The following C2CD5 variants were observed in gnomAD, a reference collection of about 807,000 sequenced individuals.
C2CD5 encodes the protein C2 calcium dependent domain containing 5, also known as C2 domain-containing protein 5.
In C2CD5, 109 loss-of-function variants were observed where a neutral mutation model predicts 130.3. The ratio of observed to expected loss-of-function variants is 0.84; its 90% CI spans 0.72 to 0.98. C2CD5 has a LOEUF of 0.98. Ranked by LOEUF, C2CD5 falls within the 50% of genes least tolerant of loss-of-function variation. C2CD5 has a pLI of 0.00. For missense variants in C2CD5, 996 were observed against 1,261.8 expected, an observed-to-expected ratio of 0.79 and a Z score of 3.19; for synonymous variants, 454 against 429.2, an observed-to-expected ratio of 1.06 and a Z score of -0.71.
At chr12:22,542,486 C>T (rs1952491599) in intron 2 of C2CD5, among the ~76,000 whole-genome samples, 1 of 152,268 alleles carries the variant, frequency 6.6e-6, no homozygotes, top group African/African-American at 2.4e-5. Context: ...TTCCTCCAGA[C>T]ACGTACTAAA....
intron 3 of C2CD5, among the ~76,000 whole-genome samples, chr12:22,530,347 G>A (rs1486589855): frequency 1.3e-5 from 2 of 149,120 alleles, no homozygotes; most frequent in Non-Finnish European, 3.0e-5. Context: ...CTGATAAACA[G>A]GGTTAAAAAA....
At chr12:22,461,000 G>A (rs1050010099) in intron 22 of C2CD5, among the ~76,000 whole-genome samples, 1 of 152,192 alleles carries the variant, frequency 6.6e-6, no homozygotes, top group Admixed American at 6.5e-5. Context: ...CTGTGGACAT[G>A]CCCTGACCAT....
In C2CD5 at chr12:22,472,722, C is replaced by G. The variant is rs776844334; in HGVS notation, c.2107+22G>C. The G allele has an allele frequency of 5.0e-5, 68 of 1,362,476 alleles. 1 individual carries two copies. Among genetic ancestry groups the G allele is most frequent in the Non-Finnish European group, 3.4e-5 (32 of 953,018 alleles). The allele number at this position is 1,362,476 out of a possible 1,614,324, so 84.4% of individuals were successfully genotyped here. On this transcript the variant is annotated intron_variant, in intron 17 of 26. Transcript: ENST00000446597. ...TTTATATGTAAAACTAGTTTCATCT[C>G]AAAGATAACTTTTTTGTTCACCTGA...
In C2CD5 at chr12:22,472,312, T is replaced by C. The variant is rs1328816108; in HGVS notation, c.2143A>G (p.Ile715Val). 10 of 1,515,966 alleles carry C rather than the reference T, an allele frequency of 6.6e-6. No homozygotes were observed. Among genetic ancestry groups the C allele is most frequent in the Middle Eastern group, 1.7e-4 (1 of 5,816 alleles). The allele number at this position is 1,515,966 out of a possible 1,614,324, so 93.9% of individuals were successfully genotyped here. ...YSCNTEIMPG[I>V]NNWTSEIQMF... ...TGTATTTCAGAGGTCCAATTATTTA[T>C]ACCGGGCATAATTTCTGTATTACAA... The change falls in exon 18 of 27, where the codon ATA becomes GTA. Residue 715 changes from isoleucine to valine, a missense_variant. This residue lies in a region of C2CD5 where 590 missense variants were observed against 631.4 expected (regional missense o/e 0.93). Transcript: ENST00000446597.
intron 3 of C2CD5, among the ~76,000 whole-genome samples, chr12:22,533,785 C>A (rs1951545406): frequency 6.6e-6 from 1 of 152,230 alleles, no homozygotes; most frequent in Admixed American, 6.5e-5. Context: ...TTGAACATAA[C>A]CACCTCCTGT....
intron 3 of C2CD5, among the ~76,000 whole-genome samples, chr12:22,529,673 A>G (rs1951036172): frequency 1.3e-5 from 2 of 152,198 alleles, no homozygotes; most frequent in Non-Finnish European, 2.9e-5. Context: ...TTAAATTAGC[A>G]ATATGCACTG....
chr12:22,468,529 C>T (rs545297976), intron 22 of C2CD5, among the ~76,000 whole-genome samples: 17 of 152,266 alleles, frequency 1.1e-4, no homozygotes, highest in African/African-American at 3.9e-4. Context: ...AAAGAAGACT[C>T]TTGACAGTTC....
chr12:22,488,213 T>C lies in C2CD5; in HGVS notation c.1358+1910A>G, dbSNP rs1945824011. Among the ~76,000 whole-genome samples the C allele has an allele frequency of 2.7e-5, 4 of 150,738 alleles. No homozygotes were observed. The South Asian group carries it at 8.4e-4, about 32-fold the overall frequency. The stretch of plus-strand genomic sequence containing the variant: ...GTATAATTAAAAAAAAACAAAGAAA[T>C]AGCAAACAAATGAGGATAAGAATTT... On this transcript the variant is annotated intron_variant, in intron 12 of 26. Transcript: ENST00000446597.
At chr12:22,450,827 CTAAT>C (rs1456303761) in intron 26 of C2CD5, among the ~76,000 whole-genome samples, 5 of 151,906 alleles carry the variant, frequency 3.3e-5, no homozygotes, top group African/African-American at 7.3e-5. Context: ...CAGCAGGGGA[CTAAT>C]TAAAGAAATT....
At chr12:22,490,584 C>A (rs1376964815) in intron 11 of C2CD5, among the ~76,000 whole-genome samples, 2 of 152,120 alleles carry the variant, frequency 1.3e-5, no homozygotes, top group Non-Finnish European at 2.9e-5. Context: ...TTAAAATACT[C>A]TTTAAATGTA....
At chr12:22,473,080 A>C (rs1340461159) in intron 16 of C2CD5, among the ~76,000 whole-genome samples, 2 of 152,160 alleles carry the variant, frequency 1.3e-5, no homozygotes, top group Non-Finnish European at 2.9e-5. Context: ...AAAGACAAAG[A>C]CATCATAAGC....
At chr12:22,512,484 CAT>C (rs5796962) in intron 9 of C2CD5, among the ~76,000 whole-genome samples, 24,069 of 151,462 alleles carry the variant, frequency 0.16, 3,774 homozygotes, top group African/African-American at 0.41. Flanking sequence ...GAAAAAAGAA[CAT>C]GAGTCTCACA....
chr12:22,481,810 T>A (rs1257102623), intron 14 of C2CD5, among the ~76,000 whole-genome samples: 1 of 147,266 alleles, frequency 6.8e-6, no homozygotes, highest in Non-Finnish European at 1.5e-5. Flanking sequence ...TTTTTTTTTT[T>A]TTTTTTTTTT....
At chr12:22,477,546 T>C (rs985956250) in intron 15 of C2CD5, among the ~76,000 whole-genome samples, 1 of 152,166 alleles carries the variant, frequency 6.6e-6, no homozygotes, top group Non-Finnish European at 1.5e-5. Flanking sequence ...AGTTTTAGGG[T>C]ACATGTGCAC....
chr12:22,532,503 A>G (rs1951388441), intron 3 of C2CD5, among the ~76,000 whole-genome samples: 1 of 152,182 alleles, frequency 6.6e-6, no homozygotes, highest in African/African-American at 2.4e-5. Flanking sequence ...TCTGCAAATT[A>G]GCAGGCACCA....
In C2CD5 at chr12:22,450,847, C is replaced by T. The variant is rs117266887; in HGVS notation, c.3025-956G>A. 2.8e-3 allele frequency among the ~76,000 whole-genome samples: 424 copies of T among 152,036 alleles called. 9 individuals carry two copies. The East Asian group carries it at 0.051, about 18-fold the overall frequency. On this transcript the variant is annotated intron_variant, in intron 26 of 26. Transcript: ENST00000446597. ...GGGGACTAATTAAAGAAATTCCGAT[C>T]GACCTATACCATGGAGTGTTATGTG...
chr12:22,470,935 G>T (rs758475992), intron 20 of C2CD5, 24 bp from the exon 21 acceptor site: 16 of 1,534,410 alleles, frequency 1.0e-5, no homozygotes, highest in Admixed American at 1.0e-4. Flanking sequence ...AACAATAATG[G>T]TTAGCAAAAT....
intron 22 of C2CD5, among the ~76,000 whole-genome samples, chr12:22,461,377 C>T (rs12313130): frequency 0.038 from 5,814 of 152,092 alleles, 373 homozygotes; most frequent in African/African-American, 0.13. Context: ...ATCACTAAAA[C>T]GAAAATCTTT....
At chr12:22,481,030 C>G (rs183914018) in intron 14 of C2CD5, among the ~76,000 whole-genome samples, 3 of 152,198 alleles carry the variant, frequency 2.0e-5, no homozygotes, top group Admixed American at 2.0e-4. Context: ...GTCTCAGACT[C>G]CTGGGCTTGA....
Sources: gnomAD v4.1 joint callset for allele counts (sites outside exome capture counted in the v4.1 genomes callset) on GRCh38, gnomAD v4.1.1 for gene constraint, gnomAD v4.1.1 regional missense constraint, MANE v1.5 for transcripts, NCBI Gene and HGNC (gene_info 2026-07-23, HGNC 2026-07-21) for gene names.